SCUBE1: variants seen among roughly 807,000 people sequenced by gnomAD.
The protein encoded by SCUBE1 is signal peptide, CUB and EGF-like domain-containing protein 1.
A neutral mutation model predicts 124.4 loss-of-function variants in SCUBE1; 59 were observed. That is an observed-to-expected ratio of 0.47 (90% CI 0.38 to 0.59). SCUBE1 has a LOEUF of 0.59. Ranked by LOEUF, SCUBE1 falls within the 20% of genes least tolerant of loss-of-function variation. The pLI is 0.00. For missense variants in SCUBE1, 1,150 were observed against 1,371.2 expected (o/e 0.84, Z 2.55); for synonymous variants, 545 against 550.9 (o/e 0.99, Z 0.15).
intron 6 of SCUBE1, among the ~76,000 whole-genome samples, chr22:43,253,332 GC>G (rs570340784): frequency 1.3e-3 from 201 of 152,310 alleles, no homozygotes; most frequent in African/African-American, 4.6e-3. Context: ...TAGACTTGAG[GC>G]CCCCGGACTG....
chr22:43,274,336 A>G (rs759206127), intron 4 of SCUBE1, among the ~76,000 whole-genome samples: 1 of 152,226 alleles, frequency 6.6e-6, no homozygotes, highest in Non-Finnish European at 1.5e-5. Context: ...GGTCATACTT[A>G]TAATAAAAAA....
At chr22:43,298,592 C>A (rs1345479297) in intron 3 of SCUBE1, among the ~76,000 whole-genome samples, 1 of 152,248 alleles carries the variant, frequency 6.6e-6, no homozygotes, top group African/African-American at 2.4e-5. Context: ...TCCAGCCCAG[C>A]CGCTGCCCTG....
chr22:43,332,312 A>G (rs1287502210), intron 2 of SCUBE1, among the ~76,000 whole-genome samples: 1 of 152,114 alleles, frequency 6.6e-6, no homozygotes, highest in Non-Finnish European at 1.5e-5. Flanking sequence ...TAACAATAAT[A>G]GCTCCCAACA....
chr22:43,300,334 C>T (rs952986913), intron 3 of SCUBE1, among the ~76,000 whole-genome samples: 3 of 147,502 alleles, frequency 2.0e-5, no homozygotes, highest in Non-Finnish European at 4.5e-5. Context: ...GTGGGTGTGG[C>T]GTGGTTTCTC....
At chr22:43,253,062 G>A (rs1294981976) in intron 6 of SCUBE1, among the ~76,000 whole-genome samples, 3 of 145,710 alleles carry the variant, frequency 2.1e-5, no homozygotes, top group African/African-American at 8.0e-5. Context: ...GTGGGGGCAG[G>A]ATGGGAACGG....
rs958064741 is a variant in SCUBE1, at chr22:43,222,744, TGCAGAGAAGCC to T, written c.1328-13_1328-3del. 6 of 1,594,794 alleles carry T rather than the reference TGCAGAGAAGCC, an allele frequency of 3.8e-6. No homozygotes were observed. Among genetic ancestry groups the T allele is most frequent in the African/African-American group, 1.3e-5 (1 of 74,636 alleles). ...TCAGGACGTAGCTATTTTCCGAGTCTGCAGAGAAGCCGGTGGGTGAGGTGGGCCTGGTGCTC... is the reference window on the plus strand; with the variant it reads ...TCAGGACGTAGCTATTTTCCGAGTCTGGTGGGTGAGGTGGGCCTGGTGCTC... On this transcript the variant is annotated splice_polypyrimidine_tract_variant and splice_region_variant and intron_variant, in intron 11 of 21. Coordinates refer to ENST00000360835, the MANE Select transcript of SCUBE1 (RefSeq NM_173050.5).
chr22:43,315,731 CTG>C (rs1042947872), intron 3 of SCUBE1, among the ~76,000 whole-genome samples: 1 of 117,580 alleles, frequency 8.5e-6, no homozygotes, highest in African/African-American at 3.3e-5. Flanking sequence ...AGGTTGCAAT[CTG>C]TGCTCAGAGG....
At chr22:43,224,592 T>C (rs1380025582) in intron 10 of SCUBE1, among the ~76,000 whole-genome samples, 2 of 152,166 alleles carry the variant, frequency 1.3e-5, no homozygotes, top group Admixed American at 6.5e-5. Flanking sequence ...TAGGGGCCAA[T>C]TCCTGTAGGC....
At chr22:43,331,568 C>T (rs912556161) in intron 2 of SCUBE1, among the ~76,000 whole-genome samples, 14 of 152,258 alleles carry the variant, frequency 9.2e-5, no homozygotes, top group African/African-American at 2.6e-4. Context: ...CATTTGAGGG[C>T]GGTTTGCTCC....
chr22:43,245,892 T>C (rs1303885251), intron 6 of SCUBE1, among the ~76,000 whole-genome samples: 1 of 151,974 alleles, frequency 6.6e-6, no homozygotes, highest in East Asian at 1.9e-4. Context: ...GCGCTAGGAG[T>C]GTGGCAAGCC....
intron 6 of SCUBE1, among the ~76,000 whole-genome samples, chr22:43,245,987 T>G (rs752449476): frequency 5.3e-5 from 8 of 152,108 alleles, no homozygotes; most frequent in South Asian, 2.1e-4. Context: ...GACGGTGCCC[T>G]GCAGGACTGT....
At chr22:43,273,174 C>A (rs148909117) in intron 4 of SCUBE1, among the ~76,000 whole-genome samples, 14 of 152,230 alleles carry the variant, frequency 9.2e-5, no homozygotes, top group African/African-American at 3.4e-4. Context: ...CACTGCCATG[C>A]GGTTCACTGG....
At chr22:43,297,255 G>A (rs1391292760) in intron 3 of SCUBE1, among the ~76,000 whole-genome samples, 2 of 152,210 alleles carry the variant, frequency 1.3e-5, no homozygotes, top group Non-Finnish European at 2.9e-5. Flanking sequence ...GGGGTAGGCT[G>A]CACACTTCTC....
intron 3 of SCUBE1, among the ~76,000 whole-genome samples, chr22:43,302,244 TG>T: frequency 6.6e-6 from 1 of 152,176 alleles, no homozygotes; most frequent in Non-Finnish European, 1.5e-5. Context: ...GGATCCATGT[TG>T]GGGGGCCTCA....
Position 43,231,840 on chromosome 22 carries a change from C to T in SCUBE1, c.880G>A (p.Asp294Asn). 1.2e-6 allele frequency: 2 copies of T among 1,613,508 alleles called. No homozygotes were observed. Among genetic ancestry groups the T allele is most frequent in the South Asian group, 1.1e-5 (1 of 91,064 alleles). Residue 294 changes from aspartate to asparagine, a missense_variant, in exon 8 of 22, where the codon GAC becomes AAC. Transcript: ENST00000360835. Reference sequence around the variant, plus strand: ...CCCACGGTGTTGCGGCAGAAGTGGTCGCAGCCTCCGTTGTTGACCAGGCAC... The same window carrying T: ...CCCACGGTGTTGCGGCAGAAGTGGTTGCAGCCTCCGTTGTTGACCAGGCAC... Reference protein sequence around the residue: ...NECLVNNGGCDHFCRNTVGSF... With the variant: ...NECLVNNGGCNHFCRNTVGSF...
At chr22:43,340,415 T>C (rs1202605201) in intron 1 of SCUBE1, among the ~76,000 whole-genome samples, 2 of 151,768 alleles carry the variant, frequency 1.3e-5, no homozygotes, top group African/African-American at 4.8e-5. Context: ...TTGGGGCAAA[T>C]TGTGCAAAAT....
At chr22:43,220,381 C>T (rs1444738643) in intron 14 of SCUBE1, 69 bp downstream of exon 14, 5 of 1,553,912 alleles carry the variant, frequency 3.2e-6, no homozygotes, top group Non-Finnish European at 4.4e-6. Flanking sequence ...TGGCAGGCCC[C>T]CGGCAGCGCC....
intron 2 of SCUBE1, among the ~76,000 whole-genome samples, chr22:43,325,480 T>C (rs9623811): frequency 0.024 from 3,459 of 144,272 alleles, 137 homozygotes; most frequent in African/African-American, 0.085. Context: ...TGTTTCATGC[T>C]CCAAAAAGTC....
At position 43,199,697 on chromosome 22, in the gene SCUBE1, G is replaced by A. The variant is rs34724283; in HGVS notation, c.*4300C>T. 48,716 of 143,860 alleles carry A rather than the reference G, an allele frequency of 0.34. 10,011 individuals are homozygous for A. Among genetic ancestry groups the A allele is most frequent in the Middle Eastern group, 0.48 (137 of 288 alleles). 8.9% of individuals were successfully genotyped at this position (143,860 alleles called of 1,614,324 possible). A position where few individuals can be genotyped will look rare whatever the true frequency, so the allele number is the denominator to read the frequency against. ...GGAAACTGGTCATCGCCTTGCCAGC[G>A]TGACCTGTGTGGGGCAGGGGCACTG... On this transcript the variant is annotated 3_prime_UTR_variant, in exon 22 of 22. Coordinates refer to ENST00000360835, the MANE Select transcript of SCUBE1 (RefSeq NM_173050.5).
Sources: gnomAD v4.1 joint callset for allele counts (sites outside exome capture counted in the v4.1 genomes callset) on GRCh38, gnomAD v4.1.1 for gene constraint, MANE v1.5 for transcripts, NCBI Gene and HGNC (gene_info 2026-07-23, HGNC 2026-07-21) for gene names.